ZSCAN25: variants seen among roughly 807,000 people sequenced by gnomAD.
ZSCAN25 encodes the protein zinc finger and SCAN domain containing 25.
ZSCAN25 carries 27 observed loss-of-function variants against 38.7 expected under a neutral mutation model. The observed-to-expected ratio is 0.70, with a 90% CI of 0.51 to 0.96. The LOEUF (loss-of-function observed/expected upper bound fraction) is 0.96. Ranked by LOEUF, ZSCAN25 falls within the 40% of genes least tolerant of loss-of-function variation. ZSCAN25 has a pLI of 0.00. For synonymous variants in ZSCAN25, 273 were observed against 277.7 expected (o/e 0.98, Z 0.17); for missense variants, 637 against 705.9 (o/e 0.90, Z 1.11).
chr7:99,709,805 CAT>C, the ZSCAN25 span, among the ~76,000 whole-genome samples: 1 of 150,672 alleles, frequency 6.6e-6, no homozygotes, highest in Non-Finnish European at 1.5e-5. Flanking sequence ...TATATATATG[CAT>C]ATATACACAA....
chr7:99,731,638 C>A, the ZSCAN25 span, among the ~76,000 whole-genome samples: 1 of 152,152 alleles, frequency 6.6e-6, no homozygotes, highest in Non-Finnish European at 1.5e-5. Flanking sequence ...TATGGTGACC[C>A]TGTCTTTAGA....
chr7:99,697,928 G>A, the ZSCAN25 span, among the ~76,000 whole-genome samples: 33 of 152,256 alleles, frequency 2.2e-4, no homozygotes, highest in Admixed American at 1.1e-3. Context: ...TAGAAGTTAC[G>A]TGATCTCTCA....
the ZSCAN25 span, among the ~76,000 whole-genome samples, chr7:99,706,355 G>T: frequency 6.6e-6 from 1 of 152,158 alleles, no homozygotes; most frequent in Non-Finnish European, 1.5e-5. Context: ...TCCTAGGTGT[G>T]CCAGAGGACC....
At chr7:99,702,056 T>C in the ZSCAN25 span, among the ~76,000 whole-genome samples, 1 of 151,898 alleles carries the variant, frequency 6.6e-6, no homozygotes, top group African/African-American at 2.4e-5. Flanking sequence ...ATGTTTCCTG[T>C]AGCAGTTTCA....
the ZSCAN25 span, among the ~76,000 whole-genome samples, chr7:99,697,841 G>A: frequency 6.6e-6 from 1 of 152,162 alleles, no homozygotes; most frequent in African/African-American, 2.4e-5. Context: ...GTGGCCTTGG[G>A]TTTTCTACTC....
chr7:99,627,880 G>A (rs1258193433), intron 7 of ZSCAN25, among the ~76,000 whole-genome samples: 2 of 151,944 alleles, frequency 1.3e-5, no homozygotes, highest in African/African-American at 4.8e-5. Context: ...TGATGGAGGA[G>A]ATGTAAAAGG....
chr7:99,651,100 T>C, the ZSCAN25 span, among the ~76,000 whole-genome samples: 19 of 152,166 alleles, frequency 1.2e-4, no homozygotes, highest in Non-Finnish European at 1.8e-4. Flanking sequence ...AATAACATGA[T>C]AGTCAGGAGG....
chr7:99,656,107 C>T, the ZSCAN25 span, among the ~76,000 whole-genome samples: 1 of 152,158 alleles, frequency 6.6e-6, no homozygotes, highest in African/African-American at 2.4e-5. Context: ...CCAGAACTTC[C>T]AACACTATGT....
Position 99,617,079 on chromosome 7 carries a change from G to T in ZSCAN25, c.-259+63G>T, listed in dbSNP as rs768546173. 2.6e-5 allele frequency: 4 copies of T among 152,208 alleles called. No homozygotes were observed. In the South Asian group the frequency reaches 8.3e-4, roughly 32 times the overall value. The allele number at this position is 152,208 out of a possible 1,614,324, so 9.4% of individuals were successfully genotyped here. ...AAGTGGTAAACGGGCGCGGGGACGG[G>T]TTTTGGTGCCGCTACGGGGCTCGGC... On this transcript the variant is annotated intron_variant, in intron 1 of 7. Transcript: ENST00000394152.
At chr7:99,635,288 CTTATA>C (rs971080194), downstream of ZSCAN25, among the ~76,000 whole-genome samples, 4 of 151,954 alleles carry the variant, frequency 2.6e-5, no homozygotes, top group Non-Finnish European at 5.9e-5. Flanking sequence ...GACTCATTTA[CTTATA>C]TTAAACAAGA....
the ZSCAN25 span, among the ~76,000 whole-genome samples, chr7:99,649,583 G>T: frequency 6.6e-6 from 1 of 152,154 alleles, no homozygotes; most frequent in African/African-American, 2.4e-5. Context: ...CCGACAGCAT[G>T]ACAGAACCTA....
chr7:99,688,669 G>T, the ZSCAN25 span, among the ~76,000 whole-genome samples: 3 of 152,142 alleles, frequency 2.0e-5, no homozygotes, highest in Non-Finnish European at 4.4e-5. Flanking sequence ...GCACCAAGCA[G>T]ACCTAATAGC....
At chr7:99,715,568 A>G in the ZSCAN25 span, 1 of 992,668 alleles carries the variant, frequency 1.0e-6, no homozygotes, top group South Asian at 1.6e-5. Context: ...ATAGCTAAAC[A>G]TGTATGAGGT....
chr7:99,727,494 C>A, the ZSCAN25 span, among the ~76,000 whole-genome samples: 5 of 152,310 alleles, frequency 3.3e-5, no homozygotes, highest in South Asian at 2.1e-4. Flanking sequence ...GGGCTTCAGT[C>A]TGGCCTCCCA....
chr7:99,640,105 C>T, the ZSCAN25 span, among the ~76,000 whole-genome samples: 1 of 152,186 alleles, frequency 6.6e-6, no homozygotes, highest in African/African-American at 2.4e-5. Flanking sequence ...GCATCTCATA[C>T]ATCACACACT....
In ZSCAN25 at chr7:99,621,495, A is replaced by G. The variant is rs370690952; in HGVS notation, c.510A>G (p.Gly170=). The G allele has an allele frequency of 3.5e-5, 55 of 1,580,346 alleles. No homozygotes were observed. In the African/African-American group the frequency reaches 5.8e-4, roughly 17 times the overall value. The change falls in exon 5 of 8, where the codon GGA becomes GGG. Residue 170 remains glycine (G), a synonymous_variant. Transcript: ENST00000394152. Reference sequence around the variant, plus strand: ...AATGGGGGATGCCCCCTGGGGAAGGAGTTCAAGGTCCAGACCCAGGTACCG... The same window carrying G: ...AATGGGGGATGCCCCCTGGGGAAGGGGTTCAAGGTCCAGACCCAGGTACCG... ...KPEWGMPPGE[G]VQGPDPGTEE...
In ZSCAN25 at chr7:99,630,794, C is replaced by T. The variant is rs1807939127; in HGVS notation, c.*774C>T. 1 of 985,236 alleles carries T rather than the reference C, an allele frequency of 1.0e-6. No individual in the cohort carries two copies. Among genetic ancestry groups the T allele is most frequent in the Non-Finnish European group, 1.2e-6 (1 of 829,918 alleles). 61.0% of individuals were successfully genotyped at this position (985,236 alleles called of 1,614,324 possible). On this transcript the variant is annotated 3_prime_UTR_variant, in exon 8 of 8. Coordinates refer to ENST00000394152, the MANE Select transcript of ZSCAN25 (RefSeq NM_145115.3). Reference sequence around the variant, plus strand: ...TGCACTATAACAACTGTCAACACACCAACTATTAGGAAGTTAGTATTTTGC... The same window carrying T: ...TGCACTATAACAACTGTCAACACACTAACTATTAGGAAGTTAGTATTTTGC...
At chr7:99,720,116 G>A in the ZSCAN25 span, among the ~76,000 whole-genome samples, 1 of 152,158 alleles carries the variant, frequency 6.6e-6, no homozygotes, top group Non-Finnish European at 1.5e-5. Flanking sequence ...TTAATTTCCT[G>A]TACTGCAGTA....
chr7:99,688,787 T>C, the ZSCAN25 span, among the ~76,000 whole-genome samples: 1 of 152,054 alleles, frequency 6.6e-6, no homozygotes, highest in Non-Finnish European at 1.5e-5. Flanking sequence ...CCTCAGCAAA[T>C]GTAAAAGAAC....
Sources: allele counts gnomAD v4.1 joint callset (sites outside exome capture counted in the v4.1 genomes callset), GRCh38; gene constraint gnomAD v4.1.1; transcripts MANE v1.5; gene names NCBI Gene and HGNC (gene_info 2026-07-23, HGNC 2026-07-21).